The following CCNK variants were observed in gnomAD, a reference collection of about 807,000 sequenced individuals.
CCNK encodes cyclin K.
CCNK carries 9 observed loss-of-function variants against 65.0 expected under a neutral mutation model. The ratio of observed to expected loss-of-function variants is 0.14; its 90% CI spans 0.08 to 0.24. CCNK has a LOEUF of 0.24. CCNK is among the 10% of genes least tolerant of loss of function. The pLI, the probability that CCNK is intolerant of heterozygous loss-of-function variation, is 1.00. For missense variants in CCNK, 474 were observed against 720.0 expected, an observed-to-expected ratio of 0.66 and a Z score of 3.91; for synonymous variants, 279 against 270.8, an observed-to-expected ratio of 1.03 and a Z score of -0.30.
In CCNK at chr14:99,510,461, C is replaced by T. The variant is rs1897099593; in HGVS notation, c.1422C>T (p.His474=). The change falls in exon 11 of 11, where the codon CAC becomes CAT. Residue 474 remains histidine (H), a synonymous_variant. Coordinates refer to ENST00000389879, the MANE Select transcript of CCNK (RefSeq NM_001099402.2). ...GCCCACCTGCACACCTGCCCTACCACCCCCATGTCTACCCGCCCAACCCGC... is the reference window on the plus strand; with the variant it reads ...GCCCACCTGCACACCTGCCCTACCATCCCCATGTCTACCCGCCCAACCCGC... The part of the protein sequence containing the change: ...AYGPPAHLPY[H]PHVYPPNPPP... The T allele has an allele frequency of 1.3e-6, 2 of 1,520,486 alleles. No individual in the cohort carries two copies. Among genetic ancestry groups the T allele is most frequent in the African/African-American group, 1.5e-5 (1 of 68,112 alleles). The allele number at this position is 1,520,486 out of a possible 1,614,324, so 94.2% of individuals were successfully genotyped here.
chr14:99,500,514 T>G, intron 4 of CCNK: 1 of 404,198 alleles, frequency 2.5e-6, no homozygotes, highest in Admixed American at 4.2e-5. Context: ...ATAATAATAT[T>G]TTTAAGGATC....
chr14:99,503,121 C>T (rs951974805), intron 8 of CCNK, 137 bp downstream of exon 8: 34 of 1,001,320 alleles, frequency 3.4e-5, no homozygotes, highest in African/African-American at 6.3e-5. Context: ...AGTCCGACTG[C>T]TTGTCGGTGG....
At chr14:99,487,619 G>A (rs1039141075) in intron 1 of CCNK, among the ~76,000 whole-genome samples, 5 of 152,282 alleles carry the variant, frequency 3.3e-5, no homozygotes, top group East Asian at 1.9e-4. Context: ...CTGTGTCATC[G>A]CACAGTCCTT....
intron 4 of CCNK, chr14:99,500,034 T>A (rs1012021580): frequency 6.6e-6 from 1 of 152,192 alleles, no homozygotes; most frequent in African/African-American, 2.4e-5. Flanking sequence ...AGCTATTGTA[T>A]CCCACCCAAA....
intron 1 of CCNK, among the ~76,000 whole-genome samples, chr14:99,489,547 G>A (rs1233693653): frequency 1.3e-5 from 2 of 152,156 alleles, no homozygotes; most frequent in Non-Finnish European, 2.9e-5. Flanking sequence ...AAGTAAGTAA[G>A]TAAATAAATA....
intron 4 of CCNK, among the ~76,000 whole-genome samples, chr14:99,498,368 G>A (rs1007004380): frequency 3.3e-5 from 5 of 152,124 alleles, no homozygotes; most frequent in African/African-American, 9.7e-5. Context: ...TCTCTATCTC[G>A]CGCAGTCTTC....
rs1456140002 is a variant in CCNK, at chr14:99,511,982, T to C, written c.*1200T>C. ...GCTTGAGGGGCCTTGGCCCTGTCTC[T>C]GCCTGCTGACCCTGCCACCCACGAC... On this transcript the variant is annotated 3_prime_UTR_variant, in exon 11 of 11. Transcript: ENST00000389879. 1 of 152,242 alleles carries C rather than the reference T, an allele frequency of 6.6e-6. No homozygotes were observed. Among genetic ancestry groups the C allele is most frequent in the Non-Finnish European group, 1.5e-5 (1 of 68,058 alleles). The allele number at this position is 152,242 out of a possible 1,614,324, so 9.4% of individuals were successfully genotyped here.
intron 1 of CCNK, among the ~76,000 whole-genome samples, chr14:99,484,038 A>G (rs1335290653): frequency 1.3e-5 from 2 of 152,270 alleles, no homozygotes; most frequent in Non-Finnish European, 2.9e-5. Flanking sequence ...TTGTCTCAAA[A>G]AAAATAAAAA....
At chr14:99,493,151 C>T (rs554297334) in intron 2 of CCNK, 10 of 452,698 alleles carry the variant, frequency 2.2e-5, no homozygotes, top group Admixed American at 8.1e-5. Flanking sequence ...GCCTGTAATC[C>T]CAGCACTTTG....
At chr14:99,504,017 T>C in intron 9 of CCNK, 1 of 359,422 alleles carries the variant, frequency 2.8e-6, no homozygotes, top group Non-Finnish European at 5.4e-6. Context: ...GGGGGGGCAG[T>C]AGGGGGTGGT....
intron 1 of CCNK, 190 bp downstream of exon 1, chr14:99,481,669 G>C (rs930567057): frequency 2.6e-6 from 1 of 390,172 alleles, no homozygotes; most frequent in Non-Finnish European, 4.5e-6. Flanking sequence ...GTGTAGAGAG[G>C]GTCTGAGGCG....
chr14:99,504,251 T>C (rs1896915977), intron 9 of CCNK: 1 of 174,438 alleles, frequency 5.7e-6, no homozygotes. Context: ...TACTGAACTC[T>C]TTGAAGGCAC....
Position 99,502,801 on chromosome 14 carries a change from C to G in CCNK, c.828C>G (p.Pro276=), listed in dbSNP as rs745738824. ...PHHTPHQLQQ[P]PSLQPTPQVP... is the part of the protein sequence containing the mutation. ...ACACCCCCCATCAGCTGCAACAGCCCCCATCTCTTCAGCCTACACCACAAG... is the reference window on the plus strand; with the variant it reads ...ACACCCCCCATCAGCTGCAACAGCCGCCATCTCTTCAGCCTACACCACAAG... The change falls in exon 8 of 11, where the codon CCC becomes CCG. Residue 276 remains proline, a synonymous_variant. Transcript: ENST00000389879. 2.5e-6 allele frequency: 4 copies of G among 1,613,800 alleles called. No individual in the cohort carries two copies. Among genetic ancestry groups the G allele is most frequent in the South Asian group, 1.1e-5 (1 of 91,074 alleles).
chr14:99,485,766 A>G (rs1018533711), intron 1 of CCNK, among the ~76,000 whole-genome samples: 3 of 152,318 alleles, frequency 2.0e-5, no homozygotes, highest in East Asian at 1.9e-4. Context: ...AGGCTGAGGC[A>G]GGAGAATCAC....
At position 99,510,661 on chromosome 14, in the gene CCNK, C is replaced by T. The variant is rs1466186352; in HGVS notation, c.1622C>T (p.Pro541Leu). Residue 541 changes from proline (P) to leucine (L), a missense_variant, in exon 11 of 11, where the codon CCG becomes CTG. Physicochemically the swap from Pro to Leu is moderately conservative, Grantham distance 98. This residue lies in a region of CCNK where 53 missense variants were observed against 91.4 expected (regional missense o/e 0.58). Coordinates refer to ENST00000389879, the MANE Select transcript of CCNK (RefSeq NM_001099402.2). The part of the protein sequence containing the change: ...PPHPPPGLGL[P>L]PASYPPPAVP... ...CATCCTCCTCCAGGGTTGGGCCTGC[C>T]GCCAGCCAGCTACCCACCTCCTGCC... 2 of 1,415,392 alleles carry T rather than the reference C, an allele frequency of 1.4e-6. No individual in the cohort carries two copies. The highest frequency in any genetic ancestry group is 9.2e-7 in the Non-Finnish European group (1 of 1,085,886). The allele number at this position is 1,415,392 out of a possible 1,614,324, so 87.7% of individuals were successfully genotyped here. A position where few individuals can be genotyped will look rare whatever the true frequency, so the allele number is the denominator to read the frequency against.
At chr14:99,510,134 A>T (rs1309050500) in intron 10 of CCNK, 23 bp from the exon 11 acceptor site, 4 of 1,583,448 alleles carry the variant, frequency 2.5e-6, no homozygotes, top group East Asian at 4.5e-5. Context: ...GAGGCCGGGC[A>T]CTGATGCGTC....
rs1373761196 is a variant in CCNK, at chr14:99,507,128, T to A, written c.1098T>A (p.Pro366=). Residue 366 remains proline (P), a synonymous_variant, in exon 10 of 11, where the codon CCT becomes CCA. Transcript: ENST00000389879. ...PKIETTHPPL[P]PAHPPPDRKP... Reference sequence around the variant, plus strand: ...TTGAGACCACTCATCCACCGTTGCCTCCAGCCCACCCACCTCCAGGTAAGC... The same window carrying A: ...TTGAGACCACTCATCCACCGTTGCCACCAGCCCACCCACCTCCAGGTAAGC... The A allele has an allele frequency of 6.2e-7, 1 of 1,609,032 alleles. No homozygotes were observed. The highest frequency in any genetic ancestry group is 8.5e-7 in the Non-Finnish European group (1 of 1,175,542).
intron 4 of CCNK, among the ~76,000 whole-genome samples, chr14:99,496,482 G>A (rs565318714): frequency 7.2e-5 from 11 of 151,874 alleles, no homozygotes; most frequent in Non-Finnish European, 1.0e-4. Context: ...AGGCTGAGGC[G>A]GGCGGATCAC....
rs1897145009 is a variant in CCNK, at chr14:99,512,145, CAAAAAG to C, written c.*1364_*1369del. On this transcript the variant is annotated 3_prime_UTR_variant, in exon 11 of 11. Transcript: ENST00000389879. ...CAAATCAATGTTTTTACCACACTAT[CAAAAAG>C]TTCTATTTCTTCTTGTCTCCCCACG... is the stretch of plus-strand genomic sequence containing the variant. 6.6e-6 allele frequency: 1 copy of C among 152,178 alleles called. No homozygotes were observed. The highest frequency in any genetic ancestry group is 2.4e-5 in the African/African-American group (1 of 41,444). 9.4% of individuals were successfully genotyped at this position (152,178 alleles called of 1,614,324 possible). A position where few individuals can be genotyped will look rare whatever the true frequency, so the allele number is the denominator to read the frequency against.
Sources: gnomAD v4.1 joint callset for allele counts (sites outside exome capture counted in the v4.1 genomes callset) on GRCh38, gnomAD v4.1.1 for gene constraint, gnomAD v4.1.1 regional missense constraint, MANE v1.5 for transcripts, NCBI Gene and HGNC (gene_info 2026-07-23, HGNC 2026-07-21) for gene names.